Variants in KCNH7 observed in about 807,000 individuals in gnomAD.
The protein encoded by KCNH7 is potassium voltage-gated channel subfamily H member 7, also known as voltage-gated inwardly rectifying potassium channel KCNH7.
KCNH7 carries 49 observed loss-of-function variants against 120.8 expected under a neutral mutation model. The ratio of observed to expected loss-of-function variants is 0.41; its 90% CI spans 0.32 to 0.51. The LOEUF (loss-of-function observed/expected upper bound fraction) is 0.51. Among genes scored for constraint, KCNH7 ranks in the 20% least tolerant of loss-of-function variants. The probability of loss-of-function intolerance (pLI) is 0.38; values close to 1 mark genes in which losing one functional copy is unlikely to be tolerated. For synonymous variants in KCNH7, 547 were observed against 516.1 expected (o/e 1.06, Z -0.81); for missense variants, 1,097 against 1,446.6 (o/e 0.76, Z 3.92).
chr2:162,487,516 T>A (rs760098600), intron 6 of KCNH7, among the ~76,000 whole-genome samples: 5 of 152,104 alleles, frequency 3.3e-5, no homozygotes, highest in Non-Finnish European at 7.4e-5. Flanking sequence ...TCCAGATGAT[T>A]CCATTGATCA....
At chr2:162,395,033 A>T (rs1686868032) in intron 11 of KCNH7, among the ~76,000 whole-genome samples, 1 of 151,886 alleles carries the variant, frequency 6.6e-6, no homozygotes, top group Non-Finnish European at 1.5e-5. Flanking sequence ...CCTCATCCTT[A>T]TGATTTTTTA....
intron 11 of KCNH7, among the ~76,000 whole-genome samples, chr2:162,395,389 A>G (rs1427107211): frequency 6.6e-6 from 1 of 151,790 alleles, no homozygotes; most frequent in Non-Finnish European, 1.5e-5. Context: ...CAATAAATAT[A>G]AGGTTAAATT....
At chr2:162,774,257 C>T (rs1347900511) in intron 2 of KCNH7, among the ~76,000 whole-genome samples, 1 of 149,688 alleles carries the variant, frequency 6.7e-6, no homozygotes, top group Admixed American at 6.6e-5. Flanking sequence ...GTCATTTAAA[C>T]TTGTATTATT....
At chr2:162,799,066 G>C (rs1684247823) in intron 2 of KCNH7, among the ~76,000 whole-genome samples, 1 of 151,922 alleles carries the variant, frequency 6.6e-6, no homozygotes, top group African/African-American at 2.4e-5. Context: ...TTTGAATAGG[G>C]TCAGTTTTGT....
At chr2:162,759,785 A>T (rs939503223) in intron 2 of KCNH7, among the ~76,000 whole-genome samples, 1 of 152,130 alleles carries the variant, frequency 6.6e-6, no homozygotes, top group Non-Finnish European at 1.5e-5. Flanking sequence ...TGGAATTTTT[A>T]AAATGAGAGA....
intron 2 of KCNH7, among the ~76,000 whole-genome samples, chr2:162,791,207 T>C (rs1683928468): frequency 1.3e-5 from 2 of 152,120 alleles, no homozygotes; most frequent in African/African-American, 4.8e-5. Context: ...TCAGGTAGCA[T>C]GATGCCTCCA....
chr2:162,830,650 A>G (rs145706814), intron 2 of KCNH7, among the ~76,000 whole-genome samples: 1 of 152,216 alleles, frequency 6.6e-6, no homozygotes, highest in African/African-American at 2.4e-5. Context: ...TTCAACCCCA[A>G]CATGAGAGTA....
At chr2:162,473,160 C>T (rs940307417) in intron 6 of KCNH7, among the ~76,000 whole-genome samples, 7 of 151,490 alleles carry the variant, frequency 4.6e-5, no homozygotes, top group South Asian at 2.1e-4. Flanking sequence ...ACATGGCACA[C>T]GTATACATAT....
chr2:162,536,830 A>C, intron 3 of KCNH7, 95 bp downstream of exon 3: 1 of 1,149,808 alleles, frequency 8.7e-7, no homozygotes, highest in African/African-American at 1.5e-5. Flanking sequence ...AAATATAAAG[A>C]TATTTTGAGA....
At chr2:162,397,418 T>A (rs992305122) in intron 10 of KCNH7, among the ~76,000 whole-genome samples, 1 of 151,796 alleles carries the variant, frequency 6.6e-6, no homozygotes, top group Non-Finnish European at 1.5e-5. Context: ...GGAGGAACAA[T>A]TGGAACACAC....
At chr2:162,399,179 A>T (rs1396021383) in intron 10 of KCNH7, among the ~76,000 whole-genome samples, 1 of 151,776 alleles carries the variant, frequency 6.6e-6, no homozygotes, top group Non-Finnish European at 1.5e-5. Context: ...GAAACTAAGG[A>T]TAGGCGTTAT....
At chr2:162,673,488 T>C (rs34791181) in intron 2 of KCNH7, among the ~76,000 whole-genome samples, 3,475 of 152,108 alleles carry the variant, frequency 0.023, 64 homozygotes, top group Non-Finnish European at 0.033. Flanking sequence ...AATCCCAGGG[T>C]CTGGGATTTG....
At chr2:162,509,191 T>C (rs1690981147) in intron 5 of KCNH7, among the ~76,000 whole-genome samples, 1 of 151,586 alleles carries the variant, frequency 6.6e-6, no homozygotes, top group African/African-American at 2.4e-5. Context: ...ATTTTAAAGA[T>C]ATTTAAAATT....
intron 8 of KCNH7, among the ~76,000 whole-genome samples, chr2:162,427,645 T>C (rs900648511): frequency 6.6e-6 from 1 of 151,966 alleles, no homozygotes; most frequent in South Asian, 2.1e-4. Flanking sequence ...AGTCTACCAT[T>C]TGTCCATTCC....
At chr2:162,809,135 G>A (rs1004217749) in intron 2 of KCNH7, among the ~76,000 whole-genome samples, 28 of 152,148 alleles carry the variant, frequency 1.8e-4, no homozygotes, top group African/African-American at 6.5e-4. Flanking sequence ...TATTTTCATT[G>A]ACAACATAAC....
rs7592550 is a variant in KCNH7, at chr2:162,372,981, A to C, written c.3324+489T>G. Among the ~76,000 whole-genome samples the C allele has an allele frequency of 8.1e-3, 1,229 of 152,208 alleles. 22 individuals carry two copies. The highest frequency in any genetic ancestry group is 0.028 in the African/African-American group (1,183 of 41,536). ...GGGTACAGACAAGATTACTAGTCTG[A>C]TGGCATTTGAACCTCAGGTCTAATC... On this transcript the variant is annotated intron_variant, in intron 15 of 15. Coordinates refer to ENST00000332142, the MANE Select transcript of KCNH7 (RefSeq NM_033272.4).
At chr2:162,569,038 T>C (rs867815079) in intron 2 of KCNH7, among the ~76,000 whole-genome samples, 1 of 152,028 alleles carries the variant, frequency 6.6e-6, no homozygotes, top group Non-Finnish European at 1.5e-5. Flanking sequence ...ATGATGCTGG[T>C]CTCATAAAAT....
intron 2 of KCNH7, among the ~76,000 whole-genome samples, chr2:162,795,129 CATTA>C (rs2105527668): frequency 6.6e-6 from 1 of 152,102 alleles, no homozygotes; most frequent in African/African-American, 2.4e-5. Flanking sequence ...CAAGCAGACT[CATTA>C]ATTAATTGTA....
intron 2 of KCNH7, among the ~76,000 whole-genome samples, chr2:162,568,544 A>G (rs1693339389): frequency 6.6e-6 from 1 of 152,064 alleles, no homozygotes; most frequent in East Asian, 1.9e-4. Context: ...AAATATACAA[A>G]TATTAAAATG....
Sources: allele counts gnomAD v4.1 joint callset (sites outside exome capture counted in the v4.1 genomes callset), GRCh38; gene constraint gnomAD v4.1.1; transcripts MANE v1.5; gene names NCBI Gene and HGNC (gene_info 2026-07-23, HGNC 2026-07-21).